Variants in CAMTA1 observed in about 807,000 individuals in gnomAD.
CAMTA1 encodes the protein calmodulin-binding transcription activator 1.
A neutral mutation model predicts 170.9 loss-of-function variants in CAMTA1; 27 were observed. That is an observed-to-expected ratio of 0.16 (90% CI 0.12 to 0.22). The LOEUF is 0.22. Among genes scored for constraint, CAMTA1 ranks in the 10% least tolerant of loss-of-function variants. The pLI is 1.00. For missense variants in CAMTA1, 1,619 were observed against 2,217.2 expected (o/e 0.73, Z 5.42); for synonymous variants, 833 against 891.5 (o/e 0.93, Z 1.17).
chr1:7,023,828 G>A (rs1176468994), intron 3 of CAMTA1, among the ~76,000 whole-genome samples: 5 of 152,036 alleles, frequency 3.3e-5, no homozygotes, highest in African/African-American at 1.2e-4. Flanking sequence ...AGGAGTTTGA[G>A]ACCAGCCTGA....
chr1:7,271,589 T>TA (rs1342922483), intron 5 of CAMTA1, among the ~76,000 whole-genome samples: 1 of 147,388 alleles, frequency 6.8e-6, no homozygotes, highest in African/African-American at 2.6e-5. Context: ...GATAGATAGA[T>TA]AGATAGATAG....
At chr1:6,905,499 C>T (rs1259270460) in intron 3 of CAMTA1, among the ~76,000 whole-genome samples, 2 of 152,050 alleles carry the variant, frequency 1.3e-5, no homozygotes, top group Admixed American at 6.6e-5. Flanking sequence ...CCGGCCTGCT[C>T]CTCCTTTCTT....
intron 6 of CAMTA1, among the ~76,000 whole-genome samples, chr1:7,560,372 G>C (rs1369364947): frequency 6.6e-6 from 1 of 152,260 alleles, no homozygotes; most frequent in Non-Finnish European, 1.5e-5. Context: ...CCAGGGGTGA[G>C]AGGCTGAGCA....
chr1:6,948,885 T>C (rs988464784), intron 3 of CAMTA1, among the ~76,000 whole-genome samples: 1 of 152,124 alleles, frequency 6.6e-6, no homozygotes, highest in Non-Finnish European at 1.5e-5. Flanking sequence ...GAAACAAAGA[T>C]GGATAAAAGA....
intron 4 of CAMTA1, among the ~76,000 whole-genome samples, chr1:7,197,440 C>T (rs1466336092): frequency 2.0e-5 from 3 of 151,922 alleles, no homozygotes; most frequent in Non-Finnish European, 2.9e-5. Flanking sequence ...GTTCGGGAGA[C>T]ATCTGTTCTG....
Position 7,738,476 on chromosome 1 carries a change from C to T in CAMTA1, c.4176C>T (p.Asp1392=), listed in dbSNP as rs2096786819. 6.2e-7 allele frequency: 1 copy of T among 1,612,648 alleles called. No homozygotes were observed. The highest frequency in any genetic ancestry group is 2.2e-5 in the East Asian group (1 of 44,852). The change falls in exon 16 of 23, where the codon GAC becomes GAT. Residue 1392 remains aspartate (D), a synonymous_variant. Transcript: ENST00000303635. This position sits in a 1 kb window ranked among gnomAD's most constrained non-coding sequence, Gnocchi z 4.9. ...AAGAATGCGGCCAGCCCATGGATGA[C>T]ATACAGGTAAAAAGCAGGGACAGGG... is the stretch of plus-strand genomic sequence containing the variant. The part of the protein sequence containing the change: ...ENEECGQPMD[D]IQVNMMTLAE...
chr1:6,863,466 C>G (rs922302986), intron 3 of CAMTA1, among the ~76,000 whole-genome samples: 20 of 152,262 alleles, frequency 1.3e-4, no homozygotes, highest in African/African-American at 4.6e-4. Flanking sequence ...GAGCCCCACT[C>G]CAGAGCTGCC....
In CAMTA1 at chr1:7,058,995, C is replaced by T. The variant is rs560053249; in HGVS notation, c.235-32309C>T. ...AGTGAAAAACCCACAGACCTGAGTTCGTGGGCTGGCAAGCTACACGTTTGG... is the reference window on the plus strand; with the variant it reads ...AGTGAAAAACCCACAGACCTGAGTTTGTGGGCTGGCAAGCTACACGTTTGG... On this transcript the variant is annotated intron_variant, in intron 3 of 22. Coordinates refer to ENST00000303635, the MANE Select transcript of CAMTA1 (RefSeq NM_015215.4). 3.3e-5 allele frequency among the ~76,000 whole-genome samples: 5 copies of T among 152,254 alleles called. No homozygotes were observed. In the South Asian group the frequency reaches 6.2e-4, roughly 19 times the overall value.
chr1:7,570,196 G>A lies in CAMTA1; in HGVS notation c.511-70204G>A, dbSNP rs536118343. On this transcript the variant is annotated intron_variant, in intron 6 of 22. Coordinates refer to ENST00000303635, the MANE Select transcript of CAMTA1 (RefSeq NM_015215.4). This position sits in a 1 kb window ranked among gnomAD's most constrained non-coding sequence, Gnocchi z 4.3. ...CCCTGCAGGACTGGTTGCCCCTCAC[G>A]CCACCTCCTTCCTGTGATCCAATCC... Among the ~76,000 whole-genome samples the A allele has an allele frequency of 1.1e-4, 17 of 152,098 alleles. No homozygotes were observed. The highest frequency in any genetic ancestry group is 1.8e-4 in the Non-Finnish European group (12 of 67,998).
At chr1:7,340,130 A>T (rs1386733095) in intron 5 of CAMTA1, among the ~76,000 whole-genome samples, 2 of 152,186 alleles carry the variant, frequency 1.3e-5, no homozygotes, top group Non-Finnish European at 2.9e-5. Context: ...GCTGTTATGG[A>T]ACAAAAGCAG....
chr1:7,250,708 C>T (rs867617909), intron 5 of CAMTA1, among the ~76,000 whole-genome samples: 2 of 152,114 alleles, frequency 1.3e-5, no homozygotes, highest in Non-Finnish European at 2.9e-5. Context: ...TATATGACCT[C>T]ACAGAGGGAT....
At chr1:7,593,337 AC>A (rs1268557386) in intron 6 of CAMTA1, among the ~76,000 whole-genome samples, 1 of 152,002 alleles carries the variant, frequency 6.6e-6, no homozygotes, top group Non-Finnish European at 1.5e-5. Flanking sequence ...AGAGTTGGTG[AC>A]CCAGTGGGAA....
At chr1:7,370,418 A>G (rs1315421417) in intron 5 of CAMTA1, 1 of 152,250 alleles carries the variant, frequency 6.6e-6, no homozygotes, top group Non-Finnish European at 1.5e-5. Flanking sequence ...CAATCCAAAG[A>G]CTTTAAAATG....
rs144098498 is a variant in CAMTA1 at position 7,234,588 on chromosome 1, G to A, written c.303-14903G>A. Among the ~76,000 whole-genome samples, 5 of 152,322 alleles carry A rather than the reference G, an allele frequency of 3.3e-5. No individual in the cohort carries two copies. The highest frequency in any genetic ancestry group is 2.1e-4 in the South Asian group (1 of 4,826). Reference sequence around the variant, plus strand: ...ACTGAACAAATCAGTGAACGTCAGCGTAGAGTTTCAAGCCGAGGCCCTGGG... The same window carrying A: ...ACTGAACAAATCAGTGAACGTCAGCATAGAGTTTCAAGCCGAGGCCCTGGG... On this transcript the variant is annotated intron_variant, in intron 4 of 22. Transcript: ENST00000303635. The surrounding 1 kb of genome is among the most constrained non-coding windows in gnomAD (Gnocchi z 5.0).
At chr1:7,645,280 A>G (rs1406728711) in intron 7 of CAMTA1, among the ~76,000 whole-genome samples, 1 of 152,196 alleles carries the variant, frequency 6.6e-6, no homozygotes, top group East Asian at 1.9e-4. Flanking sequence ...CCATGCCCCA[A>G]ACCTTGCACC....
At chr1:7,148,364 A>G (rs1646364474) in intron 4 of CAMTA1, among the ~76,000 whole-genome samples, 1 of 151,814 alleles carries the variant, frequency 6.6e-6, no homozygotes, top group African/African-American at 2.4e-5. Flanking sequence ...ACCCACACAC[A>G]TACACACCAC....
intron 4 of CAMTA1, among the ~76,000 whole-genome samples, chr1:7,236,003 G>T (rs2149233590): frequency 6.6e-6 from 1 of 152,310 alleles, no homozygotes; most frequent in Non-Finnish European, 1.5e-5. Context: ...GCCTGGGCCG[G>T]GCCTGTCAGC....
intron 20 of CAMTA1, 145 bp downstream of exon 20, chr1:7,751,537 G>T: frequency 1.7e-6 from 1 of 584,932 alleles, no homozygotes; most frequent in Non-Finnish European, 2.8e-6. Flanking sequence ...TTTTAGGCAT[G>T]GTGGCTGATA....
intron 3 of CAMTA1, among the ~76,000 whole-genome samples, chr1:6,921,181 C>G (rs1681936098): frequency 6.6e-6 from 1 of 152,242 alleles, no homozygotes; most frequent in Non-Finnish European, 1.5e-5. Flanking sequence ...TTTCTTCTGC[C>G]AGATAACCTA....
Sources: gnomAD v4.1 joint callset for allele counts (sites outside exome capture counted in the v4.1 genomes callset) on GRCh38, gnomAD v4.1.1 for gene constraint, Gnocchi (gnomAD v3.1) non-coding constraint, MANE v1.5 for transcripts, NCBI Gene and HGNC (gene_info 2026-07-23, HGNC 2026-07-21) for gene names.